LRFN5: variants seen among roughly 807,000 people sequenced by gnomAD.
LRFN5 encodes leucine-rich repeat and fibronectin type-III domain-containing protein 5.
A neutral mutation model predicts 45.6 loss-of-function variants in LRFN5; 24 were observed. That is an observed-to-expected ratio of 0.53 (90% CI 0.38 to 0.74). The LOEUF (loss-of-function observed/expected upper bound fraction) is 0.74, where lower values mean the gene tolerates loss of function less well. Ranked by LOEUF, LRFN5 falls within the 30% of genes least tolerant of loss-of-function variation. The pLI is 0.00. For missense variants in LRFN5, 776 were observed against 861.5 expected (o/e 0.90, Z 1.24); for synonymous variants, 340 against 313.8 (o/e 1.08, Z -0.88).
chr14:41,679,380 GT>G (rs1411267504), intron 1 of LRFN5, among the ~76,000 whole-genome samples: 8 of 152,078 alleles, frequency 5.3e-5, no homozygotes, highest in African/African-American at 1.9e-4. Context: ...TGAGGGAAGA[GT>G]AAAGAGGATT....
At chr14:41,816,710 C>G (rs939357064) in intron 2 of LRFN5, among the ~76,000 whole-genome samples, 7 of 151,882 alleles carry the variant, frequency 4.6e-5, no homozygotes, top group African/African-American at 1.7e-4. Context: ...AACTTTGTCT[C>G]TTTATTCTGT....
intron 1 of LRFN5, among the ~76,000 whole-genome samples, chr14:41,608,910 A>T (rs888525090): frequency 6.6e-6 from 1 of 152,062 alleles, no homozygotes; most frequent in East Asian, 1.9e-4. Context: ...TTGGTACCCA[A>T]CCCTTTCCAG....
chr14:41,822,853 G>GTTTTTTT (rs3032270), intron 2 of LRFN5, among the ~76,000 whole-genome samples: 1 of 136,268 alleles, frequency 7.3e-6, no homozygotes, highest in African/African-American at 2.7e-5. Context: ...ATTTAGGGTT[G>GTTTTTTT]TTTTTTTTTT....
At chr14:41,902,099 A>G (rs147723186) in intron 5 of LRFN5, among the ~76,000 whole-genome samples, 1,674 of 152,034 alleles carry the variant, frequency 0.011, 27 homozygotes, top group African/African-American at 0.038. Flanking sequence ...TAGGGGCAGT[A>G]ATAAATCTTT....
chr14:41,893,331 A>G (rs1259196130), intron 4 of LRFN5: 6 of 957,046 alleles, frequency 6.3e-6, no homozygotes, highest in Admixed American at 6.2e-5. Flanking sequence ...ACTTAATTAT[A>G]TAATAATTTG....
chr14:41,897,089 A>AAAATAAATAAAT (rs527665190), intron 4 of LRFN5, among the ~76,000 whole-genome samples: 3 of 148,478 alleles, frequency 2.0e-5, no homozygotes, highest in Non-Finnish European at 3.0e-5. Flanking sequence ...AGACTCTGTC[A>AAAATAAATAAAT]AAATAAATAA....
intron 2 of LRFN5, among the ~76,000 whole-genome samples, chr14:41,804,640 A>C (rs1483025599): frequency 6.6e-6 from 1 of 152,038 alleles, no homozygotes; most frequent in Non-Finnish European, 1.5e-5. Context: ...ATTTATCCTA[A>C]AGTTAGCTTG....
chr14:41,750,601 G>A (rs966810207), intron 1 of LRFN5, among the ~76,000 whole-genome samples: 1 of 151,952 alleles, frequency 6.6e-6, no homozygotes, highest in Non-Finnish European at 1.5e-5. Context: ...TACCACTTAC[G>A]CAAAATTATT....
At chr14:41,828,927 G>C (rs1888386163) in intron 2 of LRFN5, among the ~76,000 whole-genome samples, 1 of 151,854 alleles carries the variant, frequency 6.6e-6, no homozygotes, top group African/African-American at 2.4e-5. Context: ...TTGTTCTAAA[G>C]CTGTCTTTCC....
In LRFN5 at chr14:41,891,771, G is replaced by A. The variant is rs1890793058; in HGVS notation, c.1907G>A (p.Ser636Asn). Residue 636 changes from serine to asparagine, a missense_variant, in exon 4 of 6, where the codon AGC (serine) becomes AAC (asparagine). Physicochemically the swap from Ser to Asn is conservative, Grantham distance 46. Transcript: ENST00000298119. ...GCTTTGCCTCCTTCCTGGACTTCAA[G>A]CACTTCTGTGTCCCAAAAGCAGAAA... The part of the protein sequence containing the change: ...TSALPPSWTS[S>N]TSVSQKQKRK... 6.2e-7 allele frequency: 1 copy of A among 1,614,104 alleles called. No individual in the cohort carries two copies. The highest frequency in any genetic ancestry group is 1.1e-5 in the South Asian group (1 of 91,074).
At chr14:41,879,925 T>TC (rs1478682360) in intron 2 of LRFN5, among the ~76,000 whole-genome samples, 1 of 138,778 alleles carries the variant, frequency 7.2e-6, no homozygotes, top group Admixed American at 7.2e-5. Context: ...CCTTTTTTTT[T>TC]TTTTTTTTTT....
intron 2 of LRFN5, among the ~76,000 whole-genome samples, chr14:41,867,441 T>C (rs1889878590): frequency 6.6e-6 from 1 of 152,134 alleles, no homozygotes; most frequent in South Asian, 2.1e-4. Flanking sequence ...CTCTGGCTTA[T>C]GAAAAGAGAT....
intron 2 of LRFN5, among the ~76,000 whole-genome samples, chr14:41,880,178 T>C (rs557411449): frequency 1.7e-4 from 26 of 151,988 alleles, no homozygotes; most frequent in Non-Finnish European, 2.6e-4. Context: ...CTGCCCGCCT[T>C]GGCCTCCCAA....
intron 1 of LRFN5, among the ~76,000 whole-genome samples, chr14:41,763,631 T>C (rs149025819): frequency 1.2e-4 from 19 of 152,224 alleles, no homozygotes; most frequent in African/African-American, 3.9e-4. Context: ...GTTCTGGTGA[T>C]AGTGAATAAG....
chr14:41,833,239 A>G (rs1322538392), intron 2 of LRFN5, among the ~76,000 whole-genome samples: 1 of 152,176 alleles, frequency 6.6e-6, no homozygotes, highest in Non-Finnish European at 1.5e-5. Context: ...TAGCCACAGA[A>G]AGAAAATGAT....
At chr14:41,893,152 C>T (rs1245987413) in intron 4 of LRFN5, 7 of 983,416 alleles carry the variant, frequency 7.1e-6, no homozygotes, top group Non-Finnish European at 8.4e-6. Flanking sequence ...TAACCAAAAA[C>T]TGTGATAAAT....
At chr14:41,892,246 A>G in intron 4 of LRFN5, 1 of 984,904 alleles carries the variant, frequency 1.0e-6, no homozygotes, top group Admixed American at 6.2e-5. Context: ...GAAGATTGGA[A>G]TTTGCAATTC....
At chr14:41,655,915 T>A (rs1378743591) in intron 1 of LRFN5, among the ~76,000 whole-genome samples, 1 of 152,040 alleles carries the variant, frequency 6.6e-6, no homozygotes, top group African/African-American at 2.4e-5. Flanking sequence ...GCCTAGCACA[T>A]AAGTGCTCAA....
intron 1 of LRFN5, among the ~76,000 whole-genome samples, chr14:41,658,644 GTTACA>G (rs1403427437): frequency 6.6e-6 from 1 of 151,688 alleles, no homozygotes; most frequent in Non-Finnish European, 1.5e-5. Context: ...CTATTAAAAG[GTTACA>G]TTACATCTAC....
Sources: gnomAD v4.1 joint callset for allele counts (sites outside exome capture counted in the v4.1 genomes callset) on GRCh38, gnomAD v4.1.1 for gene constraint, MANE v1.5 for transcripts, NCBI Gene and HGNC (gene_info 2026-07-23, HGNC 2026-07-21) for gene names.